TPO: variants seen among roughly 807,000 people sequenced by gnomAD.
TPO encodes the protein thyroid peroxidase.
TPO carries 78 observed loss-of-function variants against 96.9 expected under a neutral mutation model. The ratio of observed to expected loss-of-function variants is 0.81; its 90% CI spans 0.67 to 0.97. The LOEUF is 0.97. Ranked by LOEUF, TPO falls within the 50% of genes least tolerant of loss-of-function variation. The pLI, the probability that TPO is intolerant of heterozygous loss-of-function variation, is 0.00. For missense variants in TPO, 1,252 were observed against 1,274.8 expected, an observed-to-expected ratio of 0.98 and a Z score of 0.27; for synonymous variants, 547 against 538.0, an observed-to-expected ratio of 1.02 and a Z score of -0.23.
intron 1 of TPO, among the ~76,000 whole-genome samples, chr2:1,380,393 C>CAA (rs35109677): frequency 0.017 from 1,594 of 94,874 alleles, 41 homozygotes; most frequent in African/African-American, 0.056. Flanking sequence ...GACTCTGTCT[C>CAA]AAAAAAAAAA....
chr2:1,493,209 T>TGGG (rs3036079), intron 10 of TPO, among the ~76,000 whole-genome samples: 618 of 17,418 alleles, frequency 0.035, 8 homozygotes, highest in East Asian at 0.094. Flanking sequence ...TGTGAGTGGG[T>TGGG]GGGGGGGGGG....
intron 8 of TPO, chr2:1,477,829 G>A (rs987302332): frequency 3.8e-5 from 37 of 985,310 alleles, no homozygotes; most frequent in African/African-American, 3.5e-5. Flanking sequence ...TGCAGGGGCC[G>A]AAGGGTAACT....
At chr2:1,501,218 G>T (rs1049859211) in intron 13 of TPO, among the ~76,000 whole-genome samples, 21 of 152,248 alleles carry the variant, frequency 1.4e-4, no homozygotes, top group African/African-American at 4.3e-4. Flanking sequence ...TGTGGAGACT[G>T]GACACCACAG....
At chr2:1,407,670 G>T (rs190891240) in intron 1 of TPO, among the ~76,000 whole-genome samples, 1 of 152,216 alleles carries the variant, frequency 6.6e-6, no homozygotes, top group African/African-American at 2.4e-5. Context: ...TAAAACTGAG[G>T]CTATCAGAAT....
At position 1,542,531 on chromosome 2, in the gene TPO, C is replaced by T; in HGVS notation, c.*57C>T. ...TCATGTTCCCAAAATCACCGTACGA[C>T]TCTTTTCCAAACACAGGCAAATCCG... On this transcript the variant is annotated 3_prime_UTR_variant, in exon 17 of 17. Coordinates refer to ENST00000329066, the MANE Select transcript of TPO (RefSeq NM_001206744.2). The T allele has an allele frequency of 1.2e-6, 2 of 1,610,342 alleles. No individual in the cohort carries two copies. Among genetic ancestry groups the T allele is most frequent in the Admixed American group, 1.7e-5 (1 of 59,436 alleles).
rs1670096212 is a variant in TPO at position 1,477,561 on chromosome 2, C to T, written c.1295C>T (p.Ala432Val). ...KALNAHWSAD[A>V]VYQEARKVVG... ...CTCAATGCGCACTGGAGCGCGGACG[C>T]CGTGTACCAGGAGGCGCGCAAGGTC... The change falls in exon 8 of 17, where the codon GCC becomes GTC. Residue 432 changes from alanine to valine, a missense_variant. Physicochemically the swap from Ala to Val is moderately conservative, Grantham distance 64. Coordinates refer to ENST00000329066, the MANE Select transcript of TPO (RefSeq NM_001206744.2). The T allele has an allele frequency of 1.3e-6, 2 of 1,536,662 alleles. No homozygotes were observed. Among genetic ancestry groups the T allele is most frequent in the Non-Finnish European group, 1.7e-6 (2 of 1,147,182 alleles).
intron 13 of TPO, among the ~76,000 whole-genome samples, chr2:1,503,512 G>A (rs576901871): frequency 1.8e-4 from 27 of 152,266 alleles, no homozygotes; most frequent in South Asian, 8.3e-4. Flanking sequence ...CCTCACTGGC[G>A]GTGGCAGGTG....
At chr2:1,462,357 C>G (rs1668526215) in intron 7 of TPO, among the ~76,000 whole-genome samples, 1 of 152,120 alleles carries the variant, frequency 6.6e-6, no homozygotes, top group South Asian at 2.1e-4. Flanking sequence ...GAGGCAAACC[C>G]TCAGGGGACG....
At chr2:1,462,086 TCTCTTCTGG>T (rs1668500042) in intron 7 of TPO, among the ~76,000 whole-genome samples, 1 of 152,156 alleles carries the variant, frequency 6.6e-6, no homozygotes, top group South Asian at 2.1e-4. Context: ...ATTTCAACTT[TCTCTTCTGG>T]CTCTTCTGGG....
At chr2:1,500,785 T>C (rs1019467210) in intron 13 of TPO, among the ~76,000 whole-genome samples, 1 of 152,082 alleles carries the variant, frequency 6.6e-6, no homozygotes, top group African/African-American at 2.4e-5. Context: ...GCCAAGATGG[T>C]GAAACCCCGT....
At chr2:1,522,173 A>C (rs1429052171) in intron 15 of TPO, among the ~76,000 whole-genome samples, 2 of 107,496 alleles carry the variant, frequency 1.9e-5, no homozygotes, top group African/African-American at 3.7e-5. Context: ...TGGCCCTGCT[A>C]CCATGCCCTG....
rs564157823 is a variant in TPO, at chr2:1,478,765, C to G, written c.1338+1161C>G. On this transcript the variant is annotated intron_variant, in intron 8 of 16. Coordinates refer to ENST00000329066, the MANE Select transcript of TPO (RefSeq NM_001206744.2). ...ACTGTCCTAACGCACATCCACACAG[C>G]AAACACGGCAGACGAGTTCACTGTC... 1.4e-4 allele frequency among the ~76,000 whole-genome samples: 21 copies of G among 152,158 alleles called. No homozygotes were observed. In the South Asian group the frequency reaches 4.4e-3, roughly 32 times the overall value.
At chr2:1,399,029 A>C (rs1182677823) in intron 1 of TPO, among the ~76,000 whole-genome samples, 1 of 152,162 alleles carries the variant, frequency 6.6e-6, no homozygotes, top group African/African-American at 2.4e-5. Context: ...CAGACCAGAG[A>C]CATTTCTTCC....
At chr2:1,476,789 C>G (rs947685197) in intron 7 of TPO, among the ~76,000 whole-genome samples, 12 of 150,074 alleles carry the variant, frequency 8.0e-5, no homozygotes, top group Non-Finnish European at 1.3e-4. Flanking sequence ...AGGGGAGGTG[C>G]GGGGCTGGCT....
chr2:1,504,037 G>T lies in TPO; in HGVS notation c.2476G>T (p.Ala826Ser). ...NTKGGFQCLCADPYELGDDGR... is the reference protein window; with the variant it reads ...NTKGGFQCLCSDPYELGDDGR... ...CAAAGGCGGCTTCCAGTGTCTCTGC[G>T]CGGACCCCTACGAGTTAGGAGACGA... Residue 826 changes from alanine to serine, a missense_variant, in exon 14 of 17, where the codon GCG becomes TCG. Ala to Ser is a moderately conservative substitution (Grantham distance 99). Transcript: ENST00000329066. The T allele has an allele frequency of 6.2e-7, 1 of 1,614,222 alleles. No homozygotes were observed. The highest frequency in any genetic ancestry group is 1.6e-4 in the Middle Eastern group (1 of 6,062).
chr2:1,433,717 A>G, intron 4 of TPO, 110 bp downstream of exon 4: 1 of 1,249,772 alleles, frequency 8.0e-7, no homozygotes, highest in Non-Finnish European at 1.1e-6. Context: ...GAGACCAAGC[A>G]GGATGGGACT....
intron 13 of TPO, 194 bp from the exon 14 acceptor site, chr2:1,503,754 C>A: frequency 1.0e-6 from 1 of 1,003,334 alleles, no homozygotes; most frequent in Non-Finnish European, 1.5e-6. Context: ...GTGGCCAGCG[C>A]ACATCTGTCT....
rs571705773 is a variant in TPO at position 1,387,499 on chromosome 2, G to A, written n.180+13097G>A. Among the ~76,000 whole-genome samples, 26 of 152,136 alleles carry A rather than the reference G, an allele frequency of 1.7e-4. No homozygotes were observed. The East Asian group carries it at 4.3e-3, about 25-fold the overall frequency. Reference sequence around the variant, plus strand: ...CTGATACCCTTTCTTCCAGTTGATCGAATTGGCTACTGAAGCTTGTGCATT... The same window carrying A: ...CTGATACCCTTTCTTCCAGTTGATCAAATTGGCTACTGAAGCTTGTGCATT... On this transcript the variant is annotated intron_variant and non_coding_transcript_variant, in intron 1 of 5. Coordinates refer to the TPO transcript ENST00000497517.
At chr2:1,538,137 T>C (rs558369312) in intron 15 of TPO, among the ~76,000 whole-genome samples, 98 of 106,238 alleles carry the variant, frequency 9.2e-4, no homozygotes, top group African/African-American at 3.1e-3. Context: ...TGTTCAACCT[T>C]CTCAAATACC....
Sources: gnomAD v4.1 joint callset for allele counts (sites outside exome capture counted in the v4.1 genomes callset) on GRCh38, gnomAD v4.1.1 for gene constraint, MANE v1.5 for transcripts, NCBI Gene and HGNC (gene_info 2026-07-23, HGNC 2026-07-21) for gene names.